Variants in SGCZ observed in about 807,000 individuals in gnomAD.
SGCZ encodes sarcoglycan zeta.
Under a neutral mutation model 41.3 loss-of-function variants are expected in SGCZ, and 40 were observed. That is an observed-to-expected ratio of 0.97 (90% CI 0.75 to 1.26). The LOEUF is 1.26. Ranked by LOEUF, SGCZ falls within the 50% of genes most tolerant of loss-of-function variation. SGCZ has a pLI of 0.00. For missense variants in SGCZ, 552 were observed against 369.8 expected, an observed-to-expected ratio of 1.49 and a Z score of -4.04; for synonymous variants, 206 against 137.5, an observed-to-expected ratio of 1.50 and a Z score of -3.49.
chr8:14,871,718 T>A, intron 1 of SGCZ, among the ~76,000 whole-genome samples: 1 of 151,726 alleles, frequency 6.6e-6, no homozygotes, highest in Non-Finnish European at 1.5e-5. Context: ...GCAGGAGAAT[T>A]ACTGGAACTC....
chr8:14,114,656 CA>C (rs781499970), intron 5 of SGCZ, among the ~76,000 whole-genome samples: 3 of 151,788 alleles, frequency 2.0e-5, no homozygotes, highest in Non-Finnish European at 2.9e-5. Context: ...TGCTGGTGAT[CA>C]AAAGGAAAAT....
chr8:14,166,287 T>C (rs894885201), intron 4 of SGCZ, among the ~76,000 whole-genome samples: 2 of 152,216 alleles, frequency 1.3e-5, no homozygotes, highest in Admixed American at 6.5e-5. Context: ...TGAAGACCTA[T>C]TGTCCTTGGT....
chr8:14,758,931 C>G lies in SGCZ; in HGVS notation c.40-204005G>C, dbSNP rs6996993. 3.4e-3 allele frequency among the ~76,000 whole-genome samples: 509 copies of G among 151,038 alleles called. 6 individuals are homozygous for G. Among genetic ancestry groups the G allele is most frequent in the African/African-American group, 0.011 (442 of 40,974 alleles). On this transcript the variant is annotated intron_variant, in intron 1 of 7. Transcript: ENST00000382080. ...GCTGAGGCAGGAGAATCAGTTGAAC[C>G]CAGGAGGCAGAGGTTGCAGTGAGCC...
chr8:15,001,884 C>T (rs945130591), intron 1 of SGCZ, among the ~76,000 whole-genome samples: 11 of 152,014 alleles, frequency 7.2e-5, no homozygotes, highest in East Asian at 3.9e-4. Flanking sequence ...TTCCCAGCTG[C>T]ATGGTTAGTA....
intron 1 of SGCZ, among the ~76,000 whole-genome samples, chr8:15,116,918 C>A (rs57080216): frequency 6.6e-6 from 1 of 152,088 alleles, no homozygotes; most frequent in Non-Finnish European, 1.5e-5. Flanking sequence ...GGGATATAAA[C>A]TGTATAACTT....
chr8:14,503,653 A>C (rs1802220548), intron 2 of SGCZ, among the ~76,000 whole-genome samples: 1 of 152,082 alleles, frequency 6.6e-6, no homozygotes, highest in Non-Finnish European at 1.5e-5. Flanking sequence ...CTGTAGTCCC[A>C]GTTACTAGGG....
intron 1 of SGCZ, among the ~76,000 whole-genome samples, chr8:15,052,383 A>G (rs913581412): frequency 8.5e-5 from 13 of 152,194 alleles, no homozygotes; most frequent in Non-Finnish European, 4.4e-5. Context: ...AGCAGTGGGA[A>G]GAAAGTGAGT....
intron 1 of SGCZ, among the ~76,000 whole-genome samples, chr8:15,024,550 T>A (rs570224068): frequency 4.6e-5 from 7 of 152,220 alleles, no homozygotes; most frequent in Admixed American, 4.6e-4. Context: ...TTATATGGAA[T>A]GTTAGAAGGT....
At chr8:14,467,061 C>T (rs1801071799) in intron 2 of SGCZ, among the ~76,000 whole-genome samples, 2 of 151,438 alleles carry the variant, frequency 1.3e-5, no homozygotes, top group African/African-American at 4.8e-5. Flanking sequence ...TTTGTTTTTG[C>T]TTATTTATTT....
At chr8:14,090,905 C>T (rs907602459) in intron 7 of SGCZ, among the ~76,000 whole-genome samples, 8 of 151,992 alleles carry the variant, frequency 5.3e-5, no homozygotes, top group Non-Finnish European at 1.2e-4. Flanking sequence ...AAGGGGCCAA[C>T]CCAGTTACTT....
chr8:14,595,257 A>C (rs1238160800), intron 1 of SGCZ, among the ~76,000 whole-genome samples: 1 of 152,190 alleles, frequency 6.6e-6, no homozygotes, highest in East Asian at 1.9e-4. Context: ...TCATTTCAAA[A>C]TAACAGTATT....
chr8:14,308,333 C>A (rs573135619), intron 3 of SGCZ, among the ~76,000 whole-genome samples: 4 of 152,146 alleles, frequency 2.6e-5, no homozygotes, highest in African/African-American at 9.6e-5. Context: ...AAACAATGAG[C>A]TTTTACAGTG....
At chr8:14,262,326 T>C (rs552485990) in intron 3 of SGCZ, among the ~76,000 whole-genome samples, 99 of 152,292 alleles carry the variant, frequency 6.5e-4, no homozygotes, top group Middle Eastern at 3.4e-3. Context: ...TGCCTTACGT[T>C]GTTTAAATAA....
chr8:14,759,229 T>A (rs944930582), intron 1 of SGCZ, among the ~76,000 whole-genome samples: 1 of 152,090 alleles, frequency 6.6e-6, no homozygotes, highest in Admixed American at 6.6e-5. Context: ...GACAGTAAAT[T>A]TTCTGGGAAG....
chr8:14,886,006 T>C (rs1012542772), intron 1 of SGCZ, among the ~76,000 whole-genome samples: 1 of 111,854 alleles, frequency 8.9e-6, no homozygotes, highest in African/African-American at 3.6e-5. Context: ...TATATATATA[T>C]ATATATATAT....
chr8:14,116,479 A>T (rs1216038491), intron 5 of SGCZ, among the ~76,000 whole-genome samples: 1 of 152,090 alleles, frequency 6.6e-6, no homozygotes, highest in Non-Finnish European at 1.5e-5. Context: ...ATTGTCATTC[A>T]TTTACTAATA....
chr8:15,191,675 G>A (rs1800544941), intron 1 of SGCZ, among the ~76,000 whole-genome samples: 1 of 151,906 alleles, frequency 6.6e-6, no homozygotes. Flanking sequence ...TAACATTTAG[G>A]AAATTCCTCA....
intron 1 of SGCZ, among the ~76,000 whole-genome samples, chr8:14,882,831 C>G (rs17120468): frequency 6.6e-6 from 1 of 152,012 alleles, no homozygotes; most frequent in Admixed American, 6.6e-5. Context: ...GGCTCAGCAT[C>G]ATTTGGATCC....
intron 5 of SGCZ, among the ~76,000 whole-genome samples, chr8:14,108,572 C>T (rs949575441): frequency 6.6e-6 from 1 of 151,952 alleles, no homozygotes; most frequent in Non-Finnish European, 1.5e-5. Context: ...GACTTATTCA[C>T]GACCGTGAGA....
Sources: allele counts gnomAD v4.1 joint callset (sites outside exome capture counted in the v4.1 genomes callset), GRCh38; gene constraint gnomAD v4.1.1; transcripts MANE v1.5; gene names NCBI Gene and HGNC (gene_info 2026-07-23, HGNC 2026-07-21).